Variants in NOX4 observed in about 807,000 individuals in gnomAD.
NOX4 encodes the protein NADPH oxidase 4, also known as kidney oxidase-1.
Under a neutral mutation model 87.6 loss-of-function variants are expected in NOX4, and 69 were observed. The ratio of observed to expected loss-of-function variants is 0.79; its 90% CI spans 0.65 to 0.96. NOX4 has a LOEUF of 0.96. Among genes scored for constraint, NOX4 ranks in the 40% least tolerant of loss-of-function variants. The pLI is 0.00. For missense variants in NOX4, 680 were observed against 681.5 expected, an observed-to-expected ratio of 1.00 and a Z score of 0.02; for synonymous variants, 275 against 238.2, an observed-to-expected ratio of 1.15 and a Z score of -1.42.
At chr11:89,352,462 G>T (rs757341632) in intron 13 of NOX4, among the ~76,000 whole-genome samples, 2 of 152,116 alleles carry the variant, frequency 1.3e-5, no homozygotes, top group Non-Finnish European at 2.9e-5. Context: ...AGCTACCATA[G>T]ACAGTGATGC....
At chr11:89,367,341 T>C (rs922986312) in intron 12 of NOX4, among the ~76,000 whole-genome samples, 5 of 152,098 alleles carry the variant, frequency 3.3e-5, no homozygotes, top group Non-Finnish European at 7.4e-5. Context: ...TCTGGGGAAA[T>C]GTAGAAACAG....
At chr11:89,369,699 T>C (rs1939291275) in intron 12 of NOX4, among the ~76,000 whole-genome samples, 1 of 151,968 alleles carries the variant, frequency 6.6e-6, no homozygotes, top group South Asian at 2.1e-4. Flanking sequence ...ATGAATTATG[T>C]AAAATCTGTG....
chr11:89,332,173 G>GATTA (rs1945503054), intron 17 of NOX4, among the ~76,000 whole-genome samples: 1 of 149,408 alleles, frequency 6.7e-6, no homozygotes, highest in Non-Finnish European at 1.5e-5. Context: ...TCACCCCGGA[G>GATTA]AGCTTATTCA....
intron 2 of NOX4, among the ~76,000 whole-genome samples, chr11:89,460,685 C>T (rs374844421): frequency 1.2e-4 from 19 of 152,140 alleles, no homozygotes; most frequent in South Asian, 1.0e-3. Flanking sequence ...TGTGGAGAAA[C>T]AGGAACACTT....
chr11:89,453,799 G>A (rs1188465670), intron 2 of NOX4, among the ~76,000 whole-genome samples: 4 of 152,074 alleles, frequency 2.6e-5, no homozygotes, highest in Admixed American at 2.0e-4. Context: ...AGATATTCTG[G>A]CTCCAGCATT....
At chr11:89,332,130 G>A (rs1308749868) in intron 17 of NOX4, among the ~76,000 whole-genome samples, 1 of 151,740 alleles carries the variant, frequency 6.6e-6, no homozygotes, top group Admixed American at 6.6e-5. Flanking sequence ...ATGTAGATTT[G>A]TAAACGCAGG....
At chr11:89,545,874 A>G in the NOX4 span, 1 of 152,138 alleles carries the variant, frequency 6.6e-6, no homozygotes, top group African/African-American at 2.4e-5. Flanking sequence ...TTGACCCCAC[A>G]TTCCTTAGTC....
intron 8 of NOX4, among the ~76,000 whole-genome samples, chr11:89,417,098 A>G (rs1449030931): frequency 2.6e-5 from 4 of 152,128 alleles, no homozygotes; most frequent in Non-Finnish European, 5.9e-5. Flanking sequence ...GCACTCTCCA[A>G]GCTAAAGCCA....
At chr11:89,431,148 T>C (rs1304639740) in intron 7 of NOX4, among the ~76,000 whole-genome samples, 8 of 152,040 alleles carry the variant, frequency 5.3e-5, no homozygotes, top group Admixed American at 3.3e-4. Context: ...AACTGGCTAG[T>C]TGTATGTAGA....
At chr11:89,418,411 C>A (rs1942902321) in intron 8 of NOX4, among the ~76,000 whole-genome samples, 1 of 136,952 alleles carries the variant, frequency 7.3e-6, no homozygotes, top group Non-Finnish European at 1.6e-5. Flanking sequence ...ATTCTCTCAG[C>A]TGAACATTGA....
At chr11:89,519,122 A>C in the NOX4 span, among the ~76,000 whole-genome samples, 1 of 152,108 alleles carries the variant, frequency 6.6e-6, no homozygotes, top group South Asian at 2.1e-4. Context: ...TAAAGAAATA[A>C]GGAAGATGAG....
At chr11:89,582,923 C>G in the NOX4 span, among the ~76,000 whole-genome samples, 1 of 152,174 alleles carries the variant, frequency 6.6e-6, no homozygotes. Context: ...TAAGCAGCGC[C>G]TGTTCCTCCT....
the NOX4 span, among the ~76,000 whole-genome samples, chr11:89,539,197 G>T: frequency 6.6e-6 from 1 of 152,104 alleles, no homozygotes; most frequent in African/African-American, 2.4e-5. Flanking sequence ...ACTTTGGGAG[G>T]CCAAGACGGG....
At chr11:89,477,968 A>C (rs1270316827) in intron 2 of NOX4, among the ~76,000 whole-genome samples, 1 of 152,212 alleles carries the variant, frequency 6.6e-6, no homozygotes, top group East Asian at 1.9e-4. Context: ...ATTTTCTCTT[A>C]ACTGTTGGAA....
At chr11:89,507,744 C>A in the NOX4 span, among the ~76,000 whole-genome samples, 1 of 151,658 alleles carries the variant, frequency 6.6e-6, no homozygotes, top group East Asian at 1.9e-4. Flanking sequence ...CAGTACCCAG[C>A]CTAGTAGTTT....
At chr11:89,362,144 A>C (rs910204029) in intron 12 of NOX4, among the ~76,000 whole-genome samples, 1 of 150,838 alleles carries the variant, frequency 6.6e-6, no homozygotes, top group Non-Finnish European at 1.5e-5. Context: ...TTGATCCCTA[A>C]TAAGCATTTT....
intron 12 of NOX4, among the ~76,000 whole-genome samples, chr11:89,370,220 A>G (rs1939341087): frequency 6.6e-6 from 1 of 152,040 alleles, no homozygotes; most frequent in Non-Finnish European, 1.5e-5. Flanking sequence ...AAACTTTTCC[A>G]GTAGACAACA....
chr11:89,586,270 A>T, the NOX4 span, among the ~76,000 whole-genome samples: 1 of 152,178 alleles, frequency 6.6e-6, no homozygotes, highest in Non-Finnish European at 1.5e-5. Context: ...ATTCAACTGA[A>T]GCCTTATAAT....
chr11:89,354,870 A>C, intron 13 of NOX4, 92 bp downstream of exon 13: 1 of 675,432 alleles, frequency 1.5e-6, no homozygotes, highest in Non-Finnish European at 2.5e-6. Flanking sequence ...CAGAAATCTT[A>C]AGAAAGATTA....
Sources: allele counts gnomAD v4.1 joint callset (sites outside exome capture counted in the v4.1 genomes callset), GRCh38; gene constraint gnomAD v4.1.1; transcripts MANE v1.5; gene names NCBI Gene and HGNC (gene_info 2026-07-23, HGNC 2026-07-21).